ADGRL3: variants seen among roughly 807,000 people sequenced by gnomAD.
ADGRL3 encodes calcium-independent alpha-latrotoxin receptor 3.
In ADGRL3, 62 loss-of-function variants were observed where a neutral mutation model predicts 153.5. The observed-to-expected ratio is 0.40, with a 90% CI of 0.33 to 0.50. ADGRL3 has a LOEUF of 0.50. Among genes scored for constraint, ADGRL3 ranks in the 20% least tolerant of loss-of-function variants. ADGRL3 has a pLI of 0.47. For missense variants in ADGRL3, 1,641 were observed against 1,859.4 expected (o/e 0.88, Z 2.16); for synonymous variants, 710 against 672.5 (o/e 1.06, Z -0.86).
chr4:61,319,804 G>A (rs542887215), intron 1 of ADGRL3, among the ~76,000 whole-genome samples: 2 of 152,126 alleles, frequency 1.3e-5, no homozygotes, highest in Non-Finnish European at 2.9e-5. Context: ...AAGGTAAGGT[G>A]CTTCTGTCTA....
At chr4:61,269,438 G>A (rs573329517) in intron 1 of ADGRL3, among the ~76,000 whole-genome samples, 1 of 151,586 alleles carries the variant, frequency 6.6e-6, no homozygotes, top group Non-Finnish European at 1.5e-5. Flanking sequence ...TGATGGTTGT[G>A]TAGCCTCATT....
rs568102467 is a variant in ADGRL3, at chr4:62,024,003, T to G, written c.3396-4852T>G. Among the ~76,000 whole-genome samples, 3 of 152,290 alleles carry G rather than the reference T, an allele frequency of 2.0e-5. No individual in the cohort carries two copies. In the East Asian group the frequency reaches 5.8e-4, roughly 29 times the overall value. On this transcript the variant is annotated intron_variant, in intron 21 of 26. Transcript: ENST00000683033. ...AAATGAAGTACAACTTAATACTTCA[T>G]TATTCATTCTCCTTATTGATACCCT...
chr4:61,678,487 G>A (rs1212348337), intron 6 of ADGRL3, among the ~76,000 whole-genome samples: 2 of 151,876 alleles, frequency 1.3e-5, no homozygotes, highest in East Asian at 1.9e-4. Context: ...AAAATCCTCT[G>A]CCAAACTCAT....
intron 2 of ADGRL3, among the ~76,000 whole-genome samples, chr4:61,389,451 T>C (rs1398927092): frequency 6.6e-6 from 1 of 152,226 alleles, no homozygotes; most frequent in Non-Finnish European, 1.5e-5. Flanking sequence ...ATGTAATGTC[T>C]TCACAGAAAT....
intron 5 of ADGRL3, among the ~76,000 whole-genome samples, chr4:61,641,994 T>C (rs1239869817): frequency 3.3e-5 from 5 of 150,950 alleles, no homozygotes; most frequent in African/African-American, 9.8e-5. Context: ...TGGTGTGAGA[T>C]GGTATCTCAT....
intron 9 of ADGRL3, among the ~76,000 whole-genome samples, chr4:61,838,677 G>A (rs2097975477): frequency 6.6e-6 from 1 of 152,126 alleles, no homozygotes; most frequent in Non-Finnish European, 1.5e-5. Flanking sequence ...AATGAATCAA[G>A]TTTTATCATA....
At chr4:62,040,897 G>A (rs946742579) in intron 24 of ADGRL3, among the ~76,000 whole-genome samples, 4 of 152,056 alleles carry the variant, frequency 2.6e-5, no homozygotes, top group African/African-American at 9.7e-5. Context: ...TAAATGAAAG[G>A]AGAAAAGGAA....
chr4:62,018,059 T>C (rs538007510), intron 21 of ADGRL3, among the ~76,000 whole-genome samples: 33 of 152,226 alleles, frequency 2.2e-4, no homozygotes, highest in African/African-American at 7.7e-4. Context: ...AGAATATAGA[T>C]TCCTGAAAAA....
At chr4:61,715,296 C>T (rs75825816) in intron 6 of ADGRL3, among the ~76,000 whole-genome samples, 80 of 152,184 alleles carry the variant, frequency 5.3e-4, no homozygotes, top group African/African-American at 1.9e-3. Flanking sequence ...AACTTTCTTC[C>T]TAAGATTTAT....
chr4:61,446,025 C>T (rs1487478759), intron 2 of ADGRL3, among the ~76,000 whole-genome samples: 1 of 152,156 alleles, frequency 6.6e-6, no homozygotes, highest in Non-Finnish European at 1.5e-5. Flanking sequence ...CTGTATATAG[C>T]ATACAGCCTA....
In ADGRL3 at chr4:61,274,228, C is replaced by T. The variant is rs376115167; in HGVS notation, c.-240+72463C>T. Among the ~76,000 whole-genome samples, 32 of 152,230 alleles carry T rather than the reference C, an allele frequency of 2.1e-4. No individual in the cohort carries two copies. The South Asian group carries it at 6.2e-3, about 30-fold the overall frequency. ...GCATGAATAGTCTTTTTCTACCTTT[C>T]GTCATGAAGAATCTCTAACAGTTTA... On this transcript the variant is annotated intron_variant, in intron 1 of 26. Transcript: ENST00000683033.
chr4:61,582,117 G>A (rs1378460888), intron 4 of ADGRL3, among the ~76,000 whole-genome samples: 1 of 151,932 alleles, frequency 6.6e-6, no homozygotes. Flanking sequence ...GACAAATAGG[G>A]CAGTCTGAAG....
intron 1 of ADGRL3, among the ~76,000 whole-genome samples, chr4:61,208,482 C>T (rs575181706): frequency 1.8e-4 from 27 of 152,028 alleles, no homozygotes; most frequent in African/African-American, 6.3e-4. Context: ...TCATGAGAGT[C>T]CTAGGAAACT....
At chr4:61,503,779 G>A (rs1218245093) in intron 3 of ADGRL3, among the ~76,000 whole-genome samples, 6 of 151,490 alleles carry the variant, frequency 4.0e-5, no homozygotes, top group Admixed American at 4.0e-4. Flanking sequence ...CATGTTTATG[G>A]GGGTACTTAT....
chr4:61,598,672 GATC>G (rs1560910796), intron 5 of ADGRL3, among the ~76,000 whole-genome samples: 1 of 152,122 alleles, frequency 6.6e-6, no homozygotes, highest in East Asian at 1.9e-4. Flanking sequence ...ATACGAGTGA[GATC>G]ATAACTTCTG....
intron 2 of ADGRL3, among the ~76,000 whole-genome samples, chr4:61,397,187 A>T (rs1333734848): frequency 6.6e-6 from 1 of 151,778 alleles, no homozygotes; most frequent in Non-Finnish European, 1.5e-5. Flanking sequence ...TAAACCACAA[A>T]CTTTTTTTCT....
chr4:61,952,494 AC>A lies in ADGRL3; in HGVS notation c.2805+4219del, dbSNP rs1346681025. ...ACCCTGTCTCAAAAAAAAAAAAAAA[AC>A]AATTTCATCCAAAATTTTATTTGAC... On this transcript the variant is annotated intron_variant, in intron 17 of 26. Transcript: ENST00000683033. 3.7e-3 allele frequency among the ~76,000 whole-genome samples: 561 copies of A among 151,840 alleles called. 5 individuals carry two copies. Among genetic ancestry groups the A allele is most frequent in the African/African-American group, 0.013 (537 of 41,296 alleles).
At chr4:61,345,089 C>T (rs1053153180) in intron 1 of ADGRL3, among the ~76,000 whole-genome samples, 6 of 151,986 alleles carry the variant, frequency 3.9e-5, no homozygotes, top group South Asian at 2.1e-4. Flanking sequence ...TGAGACATCA[C>T]GCCCGGCCTT....
intron 2 of ADGRL3, among the ~76,000 whole-genome samples, chr4:61,386,983 C>A (rs2096744469): frequency 6.6e-6 from 1 of 152,120 alleles, no homozygotes; most frequent in Admixed American, 6.6e-5. Flanking sequence ...AAATCAAGAT[C>A]TAGAACGTAT....
Sources: allele counts gnomAD v4.1 joint callset (sites outside exome capture counted in the v4.1 genomes callset), GRCh38; gene constraint gnomAD v4.1.1; transcripts MANE v1.5; gene names NCBI Gene and HGNC (gene_info 2026-07-23, HGNC 2026-07-21).